The following ARFGEF2 variants were observed in gnomAD, a reference collection of about 807,000 sequenced individuals.
ARFGEF2 encodes the protein brefeldin A-inhibited guanine nucleotide-exchange protein 2.
Under a neutral mutation model 219.9 loss-of-function variants are expected in ARFGEF2, and 74 were observed. The observed-to-expected ratio is 0.34, with a 90% CI of 0.28 to 0.41. The LOEUF (loss-of-function observed/expected upper bound fraction) is 0.41, where lower values mean the gene tolerates loss of function less well. ARFGEF2 is among the 10% of genes least tolerant of loss of function. The probability of loss-of-function intolerance (pLI) is 1.00; values close to 1 mark genes in which losing one functional copy is unlikely to be tolerated. For synonymous variants in ARFGEF2, 733 were observed against 799.2 expected, an observed-to-expected ratio of 0.92 and a Z score of 1.40; for missense variants, 1,743 against 2,218.3, an observed-to-expected ratio of 0.79 and a Z score of 4.30.
intron 8 of ARFGEF2, 75 bp downstream of exon 8, chr20:48,966,098 T>G: frequency 6.4e-7 from 1 of 1,572,118 alleles, no homozygotes; most frequent in Non-Finnish European, 8.7e-7. Flanking sequence ...AAGTCTTTCC[T>G]CAAAAGAAGC....
intron 16 of ARFGEF2, among the ~76,000 whole-genome samples, chr20:48,987,034 A>C (rs1045943241): frequency 2.0e-5 from 3 of 152,202 alleles, no homozygotes; most frequent in African/African-American, 4.8e-5. Context: ...TTTGCCTCTC[A>C]GGTCAACTTT....
At chr20:49,006,823 C>T (rs1281435543) in intron 26 of ARFGEF2, among the ~76,000 whole-genome samples, 21 of 151,216 alleles carry the variant, frequency 1.4e-4, no homozygotes, top group East Asian at 3.9e-4. Context: ...TAGGAGCTGT[C>T]GGCCATTGTC....
In ARFGEF2 at chr20:48,935,718, G is replaced by A. The variant is rs1205724219; in HGVS notation, c.122-5481G>A. ...CCTGGACGGGGCGGCTAGCCGGGCG[G>A]GGGGCTGACACCCCCACCTCCCTCC... On this transcript the variant is annotated intron_variant, in intron 1 of 38. Coordinates refer to ENST00000371917, the MANE Select transcript of ARFGEF2 (RefSeq NM_006420.3). Among the ~76,000 whole-genome samples, 786 of 149,808 alleles carry A rather than the reference G, an allele frequency of 5.2e-3. 11 individuals are homozygous for A. Among genetic ancestry groups the A allele is most frequent in the African/African-American group, 0.018 (722 of 40,648 alleles).
chr20:48,990,990 G>A (rs373122961), intron 20 of ARFGEF2, 50 bp from the exon 21 acceptor site: 169 of 1,590,918 alleles, frequency 1.1e-4, no homozygotes, highest in Middle Eastern at 3.3e-4. Flanking sequence ...TGTGAGAATG[G>A]CCACACTAAG....
intron 1 of ARFGEF2, among the ~76,000 whole-genome samples, chr20:48,933,474 G>C (rs2090926677): frequency 6.6e-6 from 1 of 152,074 alleles, no homozygotes; most frequent in South Asian, 2.1e-4. Flanking sequence ...TGCCTCCCTG[G>C]GTTGTGGTGA....
rs535731332 is a variant in ARFGEF2, at chr20:48,958,468, G to A, written c.838+4678G>A. On this transcript the variant is annotated intron_variant, in intron 6 of 38. Coordinates refer to ENST00000371917, the MANE Select transcript of ARFGEF2 (RefSeq NM_006420.3). ...TTTTTTTTTTTTGAGACGGAGTCTC[G>A]CTCTGTCGCCCAGGCTGGAGTGCAG... Among the ~76,000 whole-genome samples the A allele has an allele frequency of 4.0e-5, 6 of 148,964 alleles. No homozygotes were observed. The East Asian group carries it at 1.0e-3, about 25-fold the overall frequency.
chr20:48,937,180 G>C (rs1021044275), intron 1 of ARFGEF2, among the ~76,000 whole-genome samples: 1 of 152,162 alleles, frequency 6.6e-6, no homozygotes. Context: ...TTGCTGCTAG[G>C]CTGGATTATT....
chr20:48,969,639 T>C (rs1407731882), intron 9 of ARFGEF2, among the ~76,000 whole-genome samples: 1 of 152,260 alleles, frequency 6.6e-6, no homozygotes, highest in Non-Finnish European at 1.5e-5. Context: ...CCTGTTCTGT[T>C]GGAAACCTCT....
At chr20:48,983,969 G>A (rs539248616) in intron 14 of ARFGEF2, among the ~76,000 whole-genome samples, 102 of 151,780 alleles carry the variant, frequency 6.7e-4, no homozygotes, top group African/African-American at 2.2e-3. Context: ...ATCCCAGCAC[G>A]TTGGGAGGCT....
At position 49,034,829 on chromosome 20, in the gene ARFGEF2, C is replaced by T. The variant is rs1383043790; in HGVS notation, c.*1630C>T. On this transcript the variant is annotated 3_prime_UTR_variant, in exon 39 of 39. Coordinates refer to ENST00000371917, the MANE Select transcript of ARFGEF2 (RefSeq NM_006420.3). Reference sequence around the variant, plus strand: ...ATGTTTGGTTTTGGCCAGCAGAATTCTTGTCTACTTTTTTCTTTCCCAAAA... The same window carrying T: ...ATGTTTGGTTTTGGCCAGCAGAATTTTTGTCTACTTTTTTCTTTCCCAAAA... The T allele has an allele frequency of 6.6e-6, 1 of 152,152 alleles. No individual in the cohort carries two copies. The highest frequency in any genetic ancestry group is 1.5e-5 in the Non-Finnish European group (1 of 68,014). 9.4% of individuals were successfully genotyped at this position (152,152 alleles called of 1,614,324 possible).
intron 37 of ARFGEF2, among the ~76,000 whole-genome samples, chr20:49,030,083 T>C (rs6090936): frequency 0.12 from 18,277 of 150,782 alleles, 1,705 homozygotes; most frequent in African/African-American, 0.27. Context: ...CTAATTTTTG[T>C]GTTTTTAGTA....
intron 2 of ARFGEF2, among the ~76,000 whole-genome samples, 161 bp from the exon 3 acceptor site, chr20:48,941,703 C>T (rs560856221): frequency 2.6e-5 from 4 of 152,232 alleles, no homozygotes; most frequent in African/African-American, 9.6e-5. Flanking sequence ...TGTGGCACTT[C>T]AGTGGTGTTT....
chr20:49,025,578 G>C, intron 36 of ARFGEF2, 97 bp downstream of exon 36: 1 of 1,350,178 alleles, frequency 7.4e-7, no homozygotes, highest in Non-Finnish European at 1.0e-6. Context: ...AACATAGCTA[G>C]AATAACTTAA....
At chr20:48,998,051 G>A (rs538898347) in intron 23 of ARFGEF2, 142 bp from the exon 24 acceptor site, 7 of 740,952 alleles carry the variant, frequency 9.4e-6, no homozygotes, top group South Asian at 1.5e-5. Context: ...TTAGAGACAA[G>A]GTTTCACCAT....
intron 1 of ARFGEF2, among the ~76,000 whole-genome samples, chr20:48,940,753 A>C (rs1280647995): frequency 6.6e-6 from 1 of 152,176 alleles, no homozygotes; most frequent in African/African-American, 2.4e-5. Context: ...GGCAATGTCT[A>C]CAGACGTTTT....
Position 49,016,428 on chromosome 20 carries a change from C to G in ARFGEF2, c.4315+13C>G. On this transcript the variant is annotated intron_variant, in intron 31 of 38. Coordinates refer to ENST00000371917, the MANE Select transcript of ARFGEF2 (RefSeq NM_006420.3). ...TGTGTCAAACAAGGTACTCTTTAAG[C>G]CTCTAGGCATCATTTTTCTTACATA... 6.2e-7 allele frequency: 1 copy of G among 1,609,936 alleles called. No homozygotes were observed. The highest frequency in any genetic ancestry group is 8.5e-7 in the Non-Finnish European group (1 of 1,179,832).
chr20:48,988,913 A>G (rs1030492260), intron 18 of ARFGEF2, among the ~76,000 whole-genome samples: 12 of 152,236 alleles, frequency 7.9e-5, no homozygotes, highest in Non-Finnish European at 1.6e-4. Context: ...AGTGTTCTTT[A>G]AAACTTTTCT....
At chr20:49,000,947 G>A (rs2123488948) in intron 25 of ARFGEF2, among the ~76,000 whole-genome samples, 1 of 152,116 alleles carries the variant, frequency 6.6e-6, no homozygotes, top group African/African-American at 2.4e-5. Flanking sequence ...TTGGGACATA[G>A]GGTGGCAGGT....
intron 3 of ARFGEF2, among the ~76,000 whole-genome samples, chr20:48,944,793 CTG>C (rs2091016153): frequency 6.6e-6 from 1 of 152,082 alleles, no homozygotes; most frequent in Non-Finnish European, 1.5e-5. Context: ...GACTCTGTGT[CTG>C]TGTTCTTAAC....
Sources: allele counts gnomAD v4.1 joint callset (sites outside exome capture counted in the v4.1 genomes callset), GRCh38; gene constraint gnomAD v4.1.1; transcripts MANE v1.5; gene names NCBI Gene and HGNC (gene_info 2026-07-23, HGNC 2026-07-21).